Variants in STIM1 observed in about 807,000 individuals in gnomAD.
STIM1 encodes stromal interaction molecule 1.
In STIM1, 25 loss-of-function variants were observed where a neutral mutation model predicts 74.7. The ratio of observed to expected loss-of-function variants is 0.33; its 90% CI spans 0.24 to 0.47. The LOEUF (loss-of-function observed/expected upper bound fraction) is 0.47, where lower values mean the gene tolerates loss of function less well. STIM1 is among the 20% of genes least tolerant of loss of function. The probability of loss-of-function intolerance (pLI) is 1.00; values close to 1 mark genes in which losing one functional copy is unlikely to be tolerated. For synonymous variants in STIM1, 328 were observed against 348.8 expected (o/e 0.94, Z 0.66); for missense variants, 728 against 920.8 (o/e 0.79, Z 2.71).
chr11:3,977,571 A>G (rs1277610313), intron 2 of STIM1, among the ~76,000 whole-genome samples: 1 of 152,266 alleles, frequency 6.6e-6, no homozygotes, highest in Non-Finnish European at 1.5e-5. Context: ...TGTTGCAAAT[A>G]TTAAATGAAT....
In STIM1 at chr11:3,858,300, C is replaced by T. The variant is rs187985922; in HGVS notation, c.139+1891C>T. On this transcript the variant is annotated intron_variant, in intron 1 of 12. Transcript: ENST00000526596. Reference sequence around the variant, plus strand: ...GCATTCTAGCCTTCCTCAGGACCACCCCATGACTTGAGCTTTTGGAGACAA... The same window carrying T: ...GCATTCTAGCCTTCCTCAGGACCACTCCATGACTTGAGCTTTTGGAGACAA... Among the ~76,000 whole-genome samples, 4 of 151,832 alleles carry T rather than the reference C, an allele frequency of 2.6e-5. No individual in the cohort carries two copies. In the East Asian group the frequency reaches 7.7e-4, roughly 29 times the overall value.
chr11:3,941,667 T>G (rs1376237893), intron 1 of STIM1, among the ~76,000 whole-genome samples: 14 of 56,128 alleles, frequency 2.5e-4, no homozygotes, highest in African/African-American at 6.3e-4. Flanking sequence ...TATATATATA[T>G]ATATATAGAG....
At chr11:3,995,218 C>T (rs1036316073) in intron 2 of STIM1, among the ~76,000 whole-genome samples, 6 of 151,868 alleles carry the variant, frequency 4.0e-5, no homozygotes, top group East Asian at 1.9e-4. Context: ...GTCACACTTT[C>T]GTGTTTCTTT....
chr11:3,944,307 G>A (rs2093045761), intron 1 of STIM1, among the ~76,000 whole-genome samples: 1 of 152,204 alleles, frequency 6.6e-6, no homozygotes, highest in South Asian at 2.1e-4. Context: ...TGGATGAGCT[G>A]ATGGAGGGGA....
At chr11:3,880,618 C>A (rs1180589363) in intron 1 of STIM1, among the ~76,000 whole-genome samples, 6 of 152,110 alleles carry the variant, frequency 3.9e-5, no homozygotes, top group Admixed American at 3.9e-4. Flanking sequence ...TGCTCCAAAG[C>A]TGTTTGTTAA....
At chr11:3,903,677 G>A (rs1195333258) in intron 1 of STIM1, 1 of 152,224 alleles carries the variant, frequency 6.6e-6, no homozygotes, top group Admixed American at 6.5e-5. Context: ...TGAAACTATT[G>A]AGACTTCCTG....
intron 1 of STIM1, among the ~76,000 whole-genome samples, chr11:3,902,019 T>C (rs2092362268): frequency 6.6e-6 from 1 of 152,218 alleles, no homozygotes; most frequent in African/African-American, 2.4e-5. Context: ...CTTCCTGCCT[T>C]GGTCCCCCAA....
At chr11:3,896,984 G>A (rs1014828283) in intron 1 of STIM1, among the ~76,000 whole-genome samples, 4 of 152,206 alleles carry the variant, frequency 2.6e-5, no homozygotes. Context: ...CTCATTAAGT[G>A]TTAACCATTA....
At chr11:3,957,505 C>T (rs1297647216) in intron 1 of STIM1, among the ~76,000 whole-genome samples, 1 of 151,932 alleles carries the variant, frequency 6.6e-6, no homozygotes, top group Non-Finnish European at 1.5e-5. Flanking sequence ...GATCCACCTG[C>T]CTCAGCCTCC....
chr11:3,963,062 T>G (rs1361687851), intron 1 of STIM1, among the ~76,000 whole-genome samples: 1 of 152,232 alleles, frequency 6.6e-6, no homozygotes, highest in Non-Finnish European at 1.5e-5. Context: ...TGCTAAATAT[T>G]CATTAACGCA....
intron 3 of STIM1, among the ~76,000 whole-genome samples, chr11:4,041,540 G>A (rs2094147260): frequency 6.6e-6 from 1 of 151,974 alleles, no homozygotes; most frequent in South Asian, 2.1e-4. Context: ...ATTTGCCCAT[G>A]GTCTTACATC....
At chr11:3,893,857 C>A (rs376458402) in intron 1 of STIM1, among the ~76,000 whole-genome samples, 18 of 152,224 alleles carry the variant, frequency 1.2e-4, no homozygotes, top group Admixed American at 2.6e-4. Flanking sequence ...GGGTCAATAT[C>A]AATATCCAAA....
intron 1 of STIM1, among the ~76,000 whole-genome samples, chr11:3,884,572 G>A (rs1383141034): frequency 2.0e-5 from 3 of 152,170 alleles, no homozygotes; most frequent in Non-Finnish European, 4.4e-5. Context: ...ATAGCCTTGG[G>A]AACTTGGGGC....
intron 1 of STIM1, among the ~76,000 whole-genome samples, chr11:3,956,987 G>A (rs890982691): frequency 6.6e-6 from 1 of 152,140 alleles, no homozygotes; most frequent in Non-Finnish European, 1.5e-5. Context: ...GAGCAAAAAA[G>A]CGACTGCTCT....
At chr11:4,018,478 A>AC (rs2093923168) in intron 2 of STIM1, among the ~76,000 whole-genome samples, 1 of 147,662 alleles carries the variant, frequency 6.8e-6, no homozygotes, top group Non-Finnish European at 1.5e-5. Context: ...AAAAAAAAAA[A>AC]AAAAAAAACA....
At chr11:3,919,885 C>T (rs949508883) in intron 1 of STIM1, among the ~76,000 whole-genome samples, 28 of 152,156 alleles carry the variant, frequency 1.8e-4, no homozygotes, top group East Asian at 1.2e-3. Flanking sequence ...CAAGACCAGC[C>T]TGGACAACAT....
chr11:3,898,733 T>C (rs1420952847), intron 1 of STIM1, among the ~76,000 whole-genome samples: 2 of 151,408 alleles, frequency 1.3e-5, no homozygotes, highest in East Asian at 3.9e-4. Context: ...TTTCTACATA[T>C]GGCTAGCCAG....
chr11:3,877,018 G>A (rs1279434378), intron 1 of STIM1, among the ~76,000 whole-genome samples: 1 of 152,050 alleles, frequency 6.6e-6, no homozygotes, highest in Admixed American at 6.6e-5. Context: ...AAATAAAATA[G>A]GACTAGGATT....
intron 2 of STIM1, among the ~76,000 whole-genome samples, chr11:3,970,218 C>G (rs1044245293): frequency 6.6e-6 from 1 of 152,172 alleles, no homozygotes; most frequent in Non-Finnish European, 1.5e-5. Flanking sequence ...TGTTACCCTG[C>G]TCTTCTCTGC....
Sources: allele counts gnomAD v4.1 joint callset (sites outside exome capture counted in the v4.1 genomes callset), GRCh38; gene constraint gnomAD v4.1.1; transcripts MANE v1.5; gene names NCBI Gene and HGNC (gene_info 2026-07-23, HGNC 2026-07-21).